SLC8A1: variants seen among roughly 807,000 people sequenced by gnomAD.
The protein encoded by SLC8A1 is solute carrier family 8 member A1.
A neutral mutation model predicts 68.3 loss-of-function variants in SLC8A1; 18 were observed. That is an observed-to-expected ratio of 0.26 (90% CI 0.18 to 0.39). The LOEUF (loss-of-function observed/expected upper bound fraction) is 0.39, where lower values mean the gene tolerates loss of function less well. SLC8A1 is among the 10% of genes least tolerant of loss of function. The probability of loss-of-function intolerance (pLI) is 1.00; values close to 1 mark genes in which losing one functional copy is unlikely to be tolerated. For synonymous variants in SLC8A1, 475 were observed against 415.5 expected (o/e 1.14, Z -1.74); for missense variants, 985 against 1,156.7 (o/e 0.85, Z 2.15).
At chr2:40,108,821 T>C (rs1294029769) in exon 8 of SLC8A1, 1 of 152,178 alleles carries the variant, frequency 6.6e-6, no homozygotes, top group African/African-American at 2.4e-5. Flanking sequence ...AAGTATGTGA[T>C]CTTCACATTA....
chr2:40,291,240 T>C (rs1575116211), intron 2 of SLC8A1, among the ~76,000 whole-genome samples: 2 of 152,144 alleles, frequency 1.3e-5, no homozygotes, highest in South Asian at 4.1e-4. Flanking sequence ...CAGTCTAAAA[T>C]GTCAAGCCAC....
At chr2:40,234,752 T>G (rs1454052006) in intron 2 of SLC8A1, among the ~76,000 whole-genome samples, 1 of 152,152 alleles carries the variant, frequency 6.6e-6, no homozygotes. Context: ...TAGATAGCTC[T>G]TATTATTTTG....
intron 6 of SLC8A1, among the ~76,000 whole-genome samples, chr2:40,150,226 G>A (rs754709588): frequency 6.6e-6 from 1 of 152,106 alleles, no homozygotes; most frequent in African/African-American, 2.4e-5. Flanking sequence ...ATGTGCCAAG[G>A]TTGGTTCACG....
At chr2:40,428,433 ACAC>A in intron 2 of SLC8A1, 37 bp downstream of exon 2, 16 of 1,227,482 alleles carry the variant, frequency 1.3e-5, no homozygotes, top group Non-Finnish European at 1.8e-5. Context: ...CCACACACAC[ACAC>A]ACACACACAC....
At chr2:40,107,515 C>G (rs1226044853) in exon 8 of SLC8A1, 1 of 151,676 alleles carries the variant, frequency 6.6e-6, no homozygotes, top group Non-Finnish European at 1.5e-5. Flanking sequence ...GTCAGAAATG[C>G]CTGCTAAAAA....
chr2:40,390,580 T>C (rs1363830321), intron 2 of SLC8A1, among the ~76,000 whole-genome samples: 1 of 151,988 alleles, frequency 6.6e-6, no homozygotes, highest in East Asian at 1.9e-4. Flanking sequence ...AATCTGTATT[T>C]TAACAAACCT....
At chr2:40,477,223 C>T (rs1704343618) in intron 1 of SLC8A1, among the ~76,000 whole-genome samples, 1 of 151,270 alleles carries the variant, frequency 6.6e-6, no homozygotes, top group Non-Finnish European at 1.5e-5. Context: ...GTAGTCTGAA[C>T]TACCATGGTA....
intron 5 of SLC8A1, among the ~76,000 whole-genome samples, chr2:40,162,751 A>G (rs1314456037): frequency 6.6e-6 from 1 of 152,128 alleles, no homozygotes; most frequent in East Asian, 1.9e-4. Context: ...AATGCTTGTG[A>G]TCAGTTTTTC....
At chr2:40,466,033 C>A (rs1252455466) in intron 1 of SLC8A1, among the ~76,000 whole-genome samples, 4 of 152,138 alleles carry the variant, frequency 2.6e-5, no homozygotes, top group Admixed American at 6.5e-5. Context: ...ATGCCAGCAC[C>A]TTGATTGTGG....
intron 2 of SLC8A1, among the ~76,000 whole-genome samples, chr2:40,424,837 G>C (rs889954781): frequency 6.6e-6 from 1 of 151,644 alleles, no homozygotes; most frequent in Non-Finnish European, 1.5e-5. Context: ...AATTAAATTT[G>C]ATTTGTATCT....
intron 2 of SLC8A1, among the ~76,000 whole-genome samples, chr2:40,391,189 A>AC (rs1685139162): frequency 9.6e-5 from 2 of 20,936 alleles, no homozygotes; most frequent in Non-Finnish European, 1.7e-4. Flanking sequence ...GTGTATATAT[A>AC]TTACACACAC....
intron 6 of SLC8A1, among the ~76,000 whole-genome samples, chr2:40,142,022 C>T (rs2041661524): frequency 6.6e-6 from 1 of 152,166 alleles, no homozygotes; most frequent in Non-Finnish European, 1.5e-5. Context: ...TTCTGTTATT[C>T]AAACCACCCA....
At chr2:40,320,289 T>C (rs537029362) in intron 2 of SLC8A1, among the ~76,000 whole-genome samples, 3 of 152,158 alleles carry the variant, frequency 2.0e-5, no homozygotes, top group Non-Finnish European at 4.4e-5. Context: ...GATGTTTTCA[T>C]TAAAATATAG....
At chr2:40,169,054 G>C (rs1296865417) in intron 4 of SLC8A1, among the ~76,000 whole-genome samples, 4 of 152,138 alleles carry the variant, frequency 2.6e-5, no homozygotes, top group Non-Finnish European at 4.4e-5. Context: ...AAGCTAATAG[G>C]TACCTGGCAT....
intron 2 of SLC8A1, among the ~76,000 whole-genome samples, chr2:40,184,898 C>CAAAAAAAAAAAAAAAAAAAAAAGAA (rs66662572): frequency 9.4e-6 from 1 of 106,528 alleles, no homozygotes; most frequent in African/African-American, 3.6e-5. Flanking sequence ...TAACCAAAAA[C>CAAAAAAAAAAAAAAAAAAAAAAGAA]AAAAAAAAAA....
chr2:40,378,105 T>G (rs1244367438), intron 2 of SLC8A1, among the ~76,000 whole-genome samples: 1 of 152,072 alleles, frequency 6.6e-6, no homozygotes. Flanking sequence ...ACAGAACAGA[T>G]AAAAATCTAT....
intron 2 of SLC8A1, among the ~76,000 whole-genome samples, chr2:40,394,039 G>C (rs73928974): frequency 4.4e-4 from 67 of 152,174 alleles, no homozygotes; most frequent in African/African-American, 1.5e-3. Flanking sequence ...GTGGCAGTCT[G>C]GGGGATGCTA....
chr2:40,231,538 T>C (rs1377120911), intron 2 of SLC8A1, among the ~76,000 whole-genome samples: 1 of 152,170 alleles, frequency 6.6e-6, no homozygotes. Context: ...CTATTCATTC[T>C]TGTCTTCCAG....
chr2:40,143,238 TATC>T (rs1001632212), intron 6 of SLC8A1, among the ~76,000 whole-genome samples: 2 of 152,142 alleles, frequency 1.3e-5, no homozygotes, highest in Non-Finnish European at 2.9e-5. Context: ...GACAAAGAAA[TATC>T]ATGTTCATCC....
Sources: gnomAD v4.1 joint callset for allele counts (sites outside exome capture counted in the v4.1 genomes callset) on GRCh38, gnomAD v4.1.1 for gene constraint, MANE v1.5 for transcripts, NCBI Gene and HGNC (gene_info 2026-07-23, HGNC 2026-07-21) for gene names.